AP3M1: variants seen among roughly 807,000 people sequenced by gnomAD.
The protein encoded by AP3M1 is AP-3 complex subunit mu-1.
Under a neutral mutation model 42.6 loss-of-function variants are expected in AP3M1, and 29 were observed. That is an observed-to-expected ratio of 0.68 (90% CI 0.51 to 0.93). AP3M1 has a LOEUF of 0.93. Among genes scored for constraint, AP3M1 ranks in the 40% least tolerant of loss-of-function variants. The pLI is 0.00. For missense variants in AP3M1, 416 were observed against 510.2 expected (o/e 0.82, Z 1.78); for synonymous variants, 178 against 175.3 (o/e 1.02, Z -0.12).
chr10:74,142,342 G>T (rs1841180283), intron 1 of AP3M1, among the ~76,000 whole-genome samples: 1 of 152,114 alleles, frequency 6.6e-6, no homozygotes, highest in African/African-American at 2.4e-5. Context: ...TTCCAAAGAG[G>T]AAAGGAAGAC....
rs1018852005 is a variant in AP3M1 at position 74,122,892 on chromosome 10, T to C, written c.*918A>G. 3 of 152,234 alleles carry C rather than the reference T, an allele frequency of 2.0e-5. No individual in the cohort carries two copies. The highest frequency in any genetic ancestry group is 7.2e-5 in the African/African-American group (3 of 41,442). The allele number at this position is 152,234 out of a possible 1,614,324, so 9.4% of individuals were successfully genotyped here. On this transcript the variant is annotated 3_prime_UTR_variant, in exon 9 of 9. Coordinates refer to ENST00000355264, the MANE Select transcript of AP3M1 (RefSeq NM_012095.6). ...GGGCATGAGGCATTTAGGTTAACCATGGCTTAACTGGTGTTGGGTAAGCTT... is the reference window on the plus strand; with the variant it reads ...GGGCATGAGGCATTTAGGTTAACCACGGCTTAACTGGTGTTGGGTAAGCTT...
intron 3 of AP3M1, 89 bp downstream of exon 3, chr10:74,136,543 C>T: frequency 1.9e-6 from 2 of 1,067,860 alleles, no homozygotes; most frequent in Non-Finnish European, 2.5e-6. Context: ...AATTGTACTA[C>T]CTTAATAATA....
At chr10:74,144,954 A>G (rs958911701) in intron 1 of AP3M1, among the ~76,000 whole-genome samples, 1 of 152,110 alleles carries the variant, frequency 6.6e-6, no homozygotes, top group Non-Finnish European at 1.5e-5. Flanking sequence ...GAGCCACTGC[A>G]CCCAGCCTAG....
rs1299327800 is a variant in AP3M1, at chr10:74,123,139, T to A, written c.*671A>T. 3 of 152,654 alleles carry A rather than the reference T, an allele frequency of 2.0e-5. No homozygotes were observed. Among genetic ancestry groups the A allele is most frequent in the Non-Finnish European group, 4.4e-5 (3 of 68,042 alleles). The allele number at this position is 152,654 out of a possible 1,614,324, so 9.5% of individuals were successfully genotyped here. On this transcript the variant is annotated 3_prime_UTR_variant, in exon 9 of 9. Transcript: ENST00000355264. ...GGCACAAAATTGAGATGGTATTTAC[T>A]GCAGCAAGGTCCCTGTAAATCAAAT...
rs548411697 is a variant in AP3M1 at position 74,135,279 on chromosome 10, T to G, written c.446-1115A>C. Among the ~76,000 whole-genome samples, 20 of 152,336 alleles carry G rather than the reference T, an allele frequency of 1.3e-4. 1 individual carries two copies. The South Asian group carries it at 4.1e-3, about 32-fold the overall frequency. ...GGATTAATAAAACTTTAGGTTTTTC[T>G]CTTTCATGTGTGTTTTTTTCTCATA... On this transcript the variant is annotated intron_variant, in intron 3 of 8. Transcript: ENST00000355264.
chr10:74,143,196 C>A (rs1266606571), intron 1 of AP3M1, among the ~76,000 whole-genome samples: 1 of 152,178 alleles, frequency 6.6e-6, no homozygotes, highest in African/African-American at 2.4e-5. Context: ...ACTAAAAATA[C>A]AAAAATTAGC....
rs533560890 is a variant in AP3M1 at position 74,150,068 on chromosome 10, T to G, written c.-4+687A>C. On this transcript the variant is annotated intron_variant, in intron 1 of 8. Coordinates refer to ENST00000355264, the MANE Select transcript of AP3M1 (RefSeq NM_012095.6). ...TTACCCTTTTATATGAAACTTCATCTGTTTTGGGTCTCACCTTGAAAGTCT... is the reference window on the plus strand; with the variant it reads ...TTACCCTTTTATATGAAACTTCATCGGTTTTGGGTCTCACCTTGAAAGTCT... Among the ~76,000 whole-genome samples the G allele has an allele frequency of 1.1e-3, 166 of 152,376 alleles. 1 individual carries two copies. Among genetic ancestry groups the G allele is most frequent in the African/African-American group, 3.7e-3 (153 of 41,590 alleles).
At position 74,123,542 on chromosome 10, in the gene AP3M1, G is replaced by A. The variant is rs958456349; in HGVS notation, c.*268C>T. ...GCCTTTACTGTTACAATGTGCAGCCGCCAGATGGTATCCTCCTATGGAAAA... is the reference window on the plus strand; with the variant it reads ...GCCTTTACTGTTACAATGTGCAGCCACCAGATGGTATCCTCCTATGGAAAA... On this transcript the variant is annotated 3_prime_UTR_variant, in exon 9 of 9. Transcript: ENST00000355264. 16 of 474,750 alleles carry A rather than the reference G, an allele frequency of 3.4e-5. No individual in the cohort carries two copies. The highest frequency in any genetic ancestry group is 5.8e-4 in the Middle Eastern group (1 of 1,736). The allele number at this position is 474,750 out of a possible 1,614,324, so 29.4% of individuals were successfully genotyped here.
intron 1 of AP3M1, 76 bp downstream of exon 1, chr10:74,150,679 G>C (rs1030965248): frequency 1.3e-5 from 2 of 153,530 alleles, no homozygotes; most frequent in African/African-American, 4.8e-5. Flanking sequence ...TCGGAGTCGG[G>C]GGCCCCAGCT....
chr10:74,134,351 A>C (rs1373697464), intron 3 of AP3M1, among the ~76,000 whole-genome samples, 187 bp from the exon 4 acceptor site: 14 of 152,248 alleles, frequency 9.2e-5, no homozygotes, highest in Non-Finnish European at 2.9e-5. Flanking sequence ...AATATAGGCC[A>C]TGTGGCCCTC....
At chr10:74,142,880 C>T (rs968892410) in intron 1 of AP3M1, among the ~76,000 whole-genome samples, 3 of 152,174 alleles carry the variant, frequency 2.0e-5, no homozygotes, top group African/African-American at 7.2e-5. Flanking sequence ...AGATCTGCAA[C>T]TAAATTTTTA....
At position 74,121,255 on chromosome 10, in the gene AP3M1, G is replaced by C. The variant is rs1330809903; in HGVS notation, c.*2555C>G. 6.6e-6 allele frequency: 1 copy of C among 152,108 alleles called. No homozygotes were observed. The highest frequency in any genetic ancestry group is 1.5e-5 in the Non-Finnish European group (1 of 68,024). 9.4% of individuals were successfully genotyped at this position (152,108 alleles called of 1,614,324 possible). A position where few individuals can be genotyped will look rare whatever the true frequency, so the allele number is the denominator to read the frequency against. On this transcript the variant is annotated 3_prime_UTR_variant, in exon 9 of 9. Coordinates refer to ENST00000355264, the MANE Select transcript of AP3M1 (RefSeq NM_012095.6). ...GTAGTATAATCATTTTCTCAAATCAGTTGCCTCTCAGGACAAGATCAGCAT... is the reference window on the plus strand; with the variant it reads ...GTAGTATAATCATTTTCTCAAATCACTTGCCTCTCAGGACAAGATCAGCAT...
chr10:74,136,084 A>G (rs992555953), intron 3 of AP3M1, among the ~76,000 whole-genome samples: 1 of 152,228 alleles, frequency 6.6e-6, no homozygotes. Context: ...CTTACAACAC[A>G]AGTACAGGCC....
Position 74,123,802 on chromosome 10 carries a change from G to A in AP3M1, c.*8C>T. ...AACAAACTGGTCCTGAGGAATTTTG[G>A]CCTCTTCTCATGTCCTCACTTGGAA... is the stretch of plus-strand genomic sequence containing the variant. On this transcript the variant is annotated 3_prime_UTR_variant, in exon 9 of 9. Transcript: ENST00000355264. 6.2e-7 allele frequency: 1 copy of A among 1,611,890 alleles called. No individual in the cohort carries two copies. The highest frequency in any genetic ancestry group is 8.5e-7 in the Non-Finnish European group (1 of 1,178,098).
chr10:74,136,564 T>C, intron 3 of AP3M1, 68 bp downstream of exon 3: 4 of 1,241,180 alleles, frequency 3.2e-6, no homozygotes, highest in Non-Finnish European at 4.3e-6. Flanking sequence ...TGTCAGATCA[T>C]GAGCAATAAT....
intron 1 of AP3M1, among the ~76,000 whole-genome samples, chr10:74,145,718 T>C (rs528942807): frequency 1.1e-4 from 16 of 152,348 alleles, no homozygotes; most frequent in African/African-American, 3.6e-4. Context: ...AGAAACTGTG[T>C]TCAGAGGCAG....
Position 74,123,572 on chromosome 10 carries a change from C to A in AP3M1, c.*238G>T. On this transcript the variant is annotated 3_prime_UTR_variant, in exon 9 of 9. Transcript: ENST00000355264. Reference sequence around the variant, plus strand: ...ATGGTATCCTCCTATGGAAAAAAATCACCTCCAAAATCTTCCTAAGTGAAA... The same window carrying A: ...ATGGTATCCTCCTATGGAAAAAAATAACCTCCAAAATCTTCCTAAGTGAAA... 1 of 527,430 alleles carries A rather than the reference C, an allele frequency of 1.9e-6. No homozygotes were observed. The highest frequency in any genetic ancestry group is 3.4e-6 in the Non-Finnish European group (1 of 297,940). 32.7% of individuals were successfully genotyped at this position (527,430 alleles called of 1,614,324 possible).
chr10:74,146,402 G>A (rs1413157394), intron 1 of AP3M1, among the ~76,000 whole-genome samples: 2 of 152,208 alleles, frequency 1.3e-5, no homozygotes, highest in African/African-American at 2.4e-5. Flanking sequence ...TTACACTGCG[G>A]AAACTGGATA....
intron 1 of AP3M1, among the ~76,000 whole-genome samples, chr10:74,149,392 G>A (rs536009875): frequency 7.2e-6 from 1 of 139,098 alleles, no homozygotes; most frequent in Non-Finnish European, 1.5e-5. Context: ...CGGGTTCAAG[G>A]GATTCTCCTG....
Sources: allele counts gnomAD v4.1 joint callset (sites outside exome capture counted in the v4.1 genomes callset), GRCh38; gene constraint gnomAD v4.1.1; transcripts MANE v1.5; gene names NCBI Gene and HGNC (gene_info 2026-07-23, HGNC 2026-07-21).